MROH1: variants seen among roughly 807,000 people sequenced by gnomAD.
The protein encoded by MROH1 is maestro heat like repeat family member 1, also known as maestro heat-like repeat-containing protein family member 1.
In MROH1, 117 loss-of-function variants were observed where a neutral mutation model predicts 116.5. The observed-to-expected ratio is 1.00, with a 90% confidence interval of 0.86 to 1.17. The LOEUF (loss-of-function observed/expected upper bound fraction) is 1.17. Ranked by LOEUF, MROH1 falls within the 50% of genes most tolerant of loss-of-function variation. MROH1 has a pLI of 0.00. For synonymous variants in MROH1, 921 were observed against 583.9 expected, an observed-to-expected ratio of 1.58 and a Z score of -8.32; for missense variants, 1,873 against 1,338.5, an observed-to-expected ratio of 1.40 and a Z score of -6.23.
rs555390576 is a variant in MROH1, at chr8:144,221,775, G to A, written c.1215+1102G>A. Among the ~76,000 whole-genome samples the A allele has an allele frequency of 5.3e-5, 8 of 152,188 alleles. No individual in the cohort carries two copies. The South Asian group carries it at 1.0e-3, about 20-fold the overall frequency. The stretch of plus-strand genomic sequence containing the variant: ...TGGGCAGTCTGAGACCAACCGGCTC[G>A]CTCCTCCACACCCACCCTGTTCTCT... On this transcript the variant is annotated intron_variant, in intron 13 of 43. Coordinates refer to ENST00000326134, the MANE Select transcript of MROH1 (RefSeq NM_032450.3).
intron 35 of MROH1, among the ~76,000 whole-genome samples, chr8:144,257,783 C>T (rs1268316908): frequency 2.0e-5 from 3 of 152,256 alleles, no homozygotes; most frequent in East Asian, 1.9e-4. Context: ...GGTCACCACA[C>T]GGCCCGTGCC....
At chr8:144,261,509 G>A in intron 43 of MROH1, 146 bp from the exon 44 acceptor site, 1 of 687,800 alleles carries the variant, frequency 1.5e-6, no homozygotes, top group East Asian at 2.7e-5. Context: ...TTCCAAAAGA[G>A]CTTAAAAAAC....
intron 14 of MROH1, among the ~76,000 whole-genome samples, chr8:144,228,077 T>G (rs1838146173): frequency 1.4e-5 from 2 of 146,112 alleles, no homozygotes; most frequent in South Asian, 4.4e-4. Flanking sequence ...ACAAAAAAAT[T>G]TAAAAACATT....
intron 12 of MROH1, among the ~76,000 whole-genome samples, chr8:144,209,004 A>G (rs1041410149): frequency 3.4e-4 from 51 of 149,576 alleles, no homozygotes; most frequent in African/African-American, 1.1e-3. Flanking sequence ...CATTACAGGC[A>G]TGAGCCAATG....
At chr8:144,192,651 C>T (rs530074320) in intron 10 of MROH1, 6 of 672,022 alleles carry the variant, frequency 8.9e-6, no homozygotes, top group African/African-American at 7.0e-5. Flanking sequence ...GGTGCCCAGG[C>T]CCAGTGCAGG....
chr8:144,240,566 G>A lies in MROH1; in HGVS notation c.1828-4G>A, dbSNP rs1339012179. 2.4e-5 allele frequency: 17 copies of A among 716,460 alleles called. No individual in the cohort carries two copies. The highest frequency in any genetic ancestry group is 4.0e-5 in the Admixed American group (2 of 50,016). 44.4% of individuals were successfully genotyped at this position (716,460 alleles called of 1,614,324 possible). ...CAGCCCCTCAGTGGCATCTTGGCCTGCAGTTCCTGCGAGACACCCTGGCCA... is the reference window on the plus strand; with the variant it reads ...CAGCCCCTCAGTGGCATCTTGGCCTACAGTTCCTGCGAGACACCCTGGCCA... On this transcript the variant is annotated splice_region_variant and splice_polypyrimidine_tract_variant and intron_variant, in intron 19 of 43. Transcript: ENST00000326134.
At chr8:144,245,999 C>T (rs1448673171) in intron 29 of MROH1, among the ~76,000 whole-genome samples, 1 of 151,664 alleles carries the variant, frequency 6.6e-6, no homozygotes, top group Non-Finnish European at 1.5e-5. Flanking sequence ...CCAAAACTAT[C>T]TTTTCTTTTT....
In MROH1 at chr8:144,230,263, G is replaced by A. The variant is rs192364485; in HGVS notation, c.1338+7033G>A. 2.0e-3 allele frequency among the ~76,000 whole-genome samples: 308 copies of A among 152,218 alleles called. 1 individual carries two copies. The highest frequency in any genetic ancestry group is 6.8e-3 in the African/African-American group (281 of 41,518). On this transcript the variant is annotated intron_variant, in intron 14 of 43. Coordinates refer to ENST00000326134, the MANE Select transcript of MROH1 (RefSeq NM_032450.3). The stretch of plus-strand genomic sequence containing the variant: ...AAAGAGTTGCTCTGGATTAGGCTTC[G>A]GCTTAAGGGAATGTTTGGCCGGTCT...
At position 144,178,771 on chromosome 8, in the gene MROH1, G is replaced by A. The variant is rs1048528480; in HGVS notation, c.169-684G>A. On this transcript the variant is annotated intron_variant, in intron 4 of 43. Coordinates refer to ENST00000326134, the MANE Select transcript of MROH1 (RefSeq NM_032450.3). ...GCCCCAGGTTCCTTTCCTGGGTTGG[G>A]CAGTAGCCTACTCTGCTGTGTGCCC... Among the ~76,000 whole-genome samples the A allele has an allele frequency of 7.9e-5, 12 of 152,222 alleles. No individual in the cohort carries two copies. The South Asian group carries it at 1.0e-3, about 13-fold the overall frequency.
intron 1 of MROH1, among the ~76,000 whole-genome samples, chr8:144,157,637 C>G (rs1818467825): frequency 7.2e-6 from 1 of 138,634 alleles, no homozygotes; most frequent in Non-Finnish European, 1.6e-5. Flanking sequence ...TAGCTTGTGT[C>G]TTTTAAGGGA....
At chr8:144,220,309 C>T (rs1025516487) in intron 12 of MROH1, among the ~76,000 whole-genome samples, 7 of 152,168 alleles carry the variant, frequency 4.6e-5, no homozygotes, top group Non-Finnish European at 8.8e-5. Context: ...CGCTTGAGTA[C>T]CACTGAAGGA....
chr8:144,174,857 T>C (rs1823426466), intron 4 of MROH1: 5 of 985,290 alleles, frequency 5.1e-6, no homozygotes, highest in South Asian at 4.7e-5. Flanking sequence ...GCATAACCCA[T>C]TGCAGACTTG....
chr8:144,237,147 C>T (rs1056387074), intron 14 of MROH1, among the ~76,000 whole-genome samples: 6 of 151,818 alleles, frequency 4.0e-5, no homozygotes, highest in Admixed American at 2.0e-4. Context: ...CCTTGTGATC[C>T]GCTCAACTCG....
intron 10 of MROH1, among the ~76,000 whole-genome samples, chr8:144,197,378 G>T (rs902092854): frequency 2.7e-5 from 4 of 147,120 alleles, no homozygotes; most frequent in Admixed American, 2.7e-4. Flanking sequence ...CTTCCTGCAG[G>T]GTGAGTGATC....
chr8:144,249,981 C>T (rs956854110), intron 32 of MROH1, among the ~76,000 whole-genome samples: 5 of 152,236 alleles, frequency 3.3e-5, no homozygotes, highest in Non-Finnish European at 4.4e-5. Flanking sequence ...CTCTACCTCC[C>T]GGGGCACTGG....
intron 2 of MROH1, among the ~76,000 whole-genome samples, chr8:144,162,323 A>G (rs1819740473): frequency 6.6e-6 from 1 of 150,896 alleles, no homozygotes; most frequent in Non-Finnish European, 1.5e-5. Context: ...CTGACCTCAG[A>G]TGATCCGCCC....
At chr8:144,162,142 T>C (rs1048492406) in intron 2 of MROH1, among the ~76,000 whole-genome samples, 4 of 150,980 alleles carry the variant, frequency 2.6e-5, no homozygotes, top group Non-Finnish European at 5.9e-5. Flanking sequence ...TGGAGTGCAG[T>C]GGCACGATCT....
At chr8:144,247,032 C>G (rs1377812848) in intron 29 of MROH1, among the ~76,000 whole-genome samples, 1 of 152,266 alleles carries the variant, frequency 6.6e-6, no homozygotes, top group Non-Finnish European at 1.5e-5. Flanking sequence ...CATGGCCTGG[C>G]CCTCCTTCTT....
In MROH1 at chr8:144,255,501, T is replaced by A. The variant is rs1331197024; in HGVS notation, c.3595-8T>A. On this transcript the variant is annotated splice_polypyrimidine_tract_variant and splice_region_variant and intron_variant, in intron 34 of 43. Transcript: ENST00000326134. The stretch of plus-strand genomic sequence containing the variant: ...GGAGGCATGGCCCTGTGATGACTTC[T>A]CCCCCAGGCTACCTGTGCACTGTTT... 1 of 778,290 alleles carries A rather than the reference T, an allele frequency of 1.3e-6. No homozygotes were observed. The highest frequency in any genetic ancestry group is 2.4e-6 in the Non-Finnish European group (1 of 417,746). 48.2% of individuals were successfully genotyped at this position (778,290 alleles called of 1,614,324 possible). A position where few individuals can be genotyped will look rare whatever the true frequency, so the allele number is the denominator to read the frequency against.
Sources: allele counts gnomAD v4.1 joint callset (sites outside exome capture counted in the v4.1 genomes callset), GRCh38; gene constraint gnomAD v4.1.1; transcripts MANE v1.5; gene names NCBI Gene and HGNC (gene_info 2026-07-23, HGNC 2026-07-21).